The following FN1 variants were observed in gnomAD, a reference collection of about 807,000 sequenced individuals.
FN1 encodes the protein fibronectin 1, also known as fibronectin.
Under a neutral mutation model 297.3 loss-of-function variants are expected in FN1, and 106 were observed. That is an observed-to-expected ratio of 0.36 (90% CI 0.30 to 0.42). The LOEUF (loss-of-function observed/expected upper bound fraction) is 0.42, where lower values mean the gene tolerates loss of function less well. Ranked by LOEUF, FN1 falls within the 10% of genes least tolerant of loss-of-function variation. The pLI is 1.00. For synonymous variants in FN1, 1,149 were observed against 1,152.6 expected, an observed-to-expected ratio of 1.00 and a Z score of 0.06; for missense variants, 2,690 against 3,124.9, an observed-to-expected ratio of 0.86 and a Z score of 3.32.
In FN1 at chr2:215,360,987, A is replaced by G. The variant is rs1258655206; in HGVS notation, c.*568T>C. On this transcript the variant is annotated 3_prime_UTR_variant, in exon 46 of 46. Coordinates refer to ENST00000354785, the MANE Select transcript of FN1 (RefSeq NM_212482.4). ...AATTCCTCTTATCAACTGCATACTA[A>G]GTGTTTTCAATACAATTTTTTCCGT... 6.4e-6 allele frequency: 1 copy of G among 156,738 alleles called. No individual in the cohort carries two copies. The highest frequency in any genetic ancestry group is 1.9e-4 in the East Asian group (1 of 5,354). The allele number at this position is 156,738 out of a possible 1,614,324, so 9.7% of individuals were successfully genotyped here. A position where few individuals can be genotyped will look rare whatever the true frequency, so the allele number is the denominator to read the frequency against.
chr2:215,361,842 C>T, intron 45 of FN1, 127 bp downstream of exon 45: 1 of 1,335,948 alleles, frequency 7.5e-7, no homozygotes, highest in South Asian at 1.3e-5. Flanking sequence ...CAGTGTTTCA[C>T]TTAAGTCATT....
intron 25 of FN1, 107 bp downstream of exon 25, chr2:215,392,824 T>TG (rs1258711899): frequency 1.6e-6 from 2 of 1,264,010 alleles, no homozygotes; most frequent in African/African-American, 2.9e-5. Context: ...TCTGAATCTT[T>TG]GGCCAATTGC....
At position 215,419,345 on chromosome 2, in the gene FN1, A is replaced by C. The variant is rs1333121357; in HGVS notation, c.1716T>G (p.Ile572Met). Residue 572 changes from isoleucine (I) to methionine (M), a missense_variant, in exon 12 of 46, where the codon ATT (isoleucine) becomes ATG (methionine). Physicochemically the swap from Ile to Met is conservative, Grantham distance 10. Transcript: ENST00000354785. ...QDSETGTFYQ[I>M]GDSWEKYVHG... ...GCACATACTTCTCCCATGAATCTCC[A>C]ATTTGATAAAACGTCCCAGTCTCTG... 6.2e-7 allele frequency: 1 copy of C among 1,613,302 alleles called. No individual in the cohort carries two copies. Among genetic ancestry groups the C allele is most frequent in the Non-Finnish European group, 8.5e-7 (1 of 1,179,232 alleles).
chr2:215,431,936 G>A lies in FN1; in HGVS notation c.444C>T (p.Tyr148=), dbSNP rs1363742725. 6.2e-7 allele frequency: 1 copy of A among 1,614,092 alleles called. No homozygotes were observed. The highest frequency in any genetic ancestry group is 1.1e-5 in the South Asian group (1 of 91,090). Residue 148 remains tyrosine (Y), a synonymous_variant, in exon 4 of 46, where the codon TAC becomes TAT. Transcript: ENST00000354785. The part of the protein sequence containing the change: ...ANRCHEGGQS[Y]KIGDTWRRPH... ...GTCTCCTCCAGGTGTCACCAATCTT[G>A]TAGGACTGACCCCCTTCATGGCAGC...
At position 215,365,491 on chromosome 2, in the gene FN1, C is replaced by T. The variant is rs2054349577; in HGVS notation, c.7144+14G>A. ...TGCTTAATAAGGCACTAAAAATGAT[C>T]TGTGATGACATACGAGGGTCACACT... On this transcript the variant is annotated intron_variant, in intron 43 of 45. Coordinates refer to ENST00000354785, the MANE Select transcript of FN1 (RefSeq NM_212482.4). 1 of 1,613,594 alleles carries T rather than the reference C, an allele frequency of 6.2e-7. No homozygotes were observed. Among genetic ancestry groups the T allele is most frequent in the Middle Eastern group, 1.6e-4 (1 of 6,062 alleles).
rs1213821413 is a variant in FN1 at position 215,435,769 on chromosome 2, G to C, written c.34C>G (p.Leu12Val). ...GCTGTCCCCAGGCACTGGACGGCCAGCAGCAGCAGCCCGGGCCCCGGACCC... is the reference window on the plus strand; with the variant it reads ...GCTGTCCCCAGGCACTGGACGGCCACCAGCAGCAGCCCGGGCCCCGGACCC... ...LRGPGPGLLLLAVQCLGTAVP... is the reference protein window; with the variant it reads ...LRGPGPGLLLVAVQCLGTAVP... Residue 12 changes from leucine to valine, a missense_variant, in exon 1 of 46, where the codon CTG (leucine) becomes GTG (valine). Coordinates refer to ENST00000354785, the MANE Select transcript of FN1 (RefSeq NM_212482.4). 1 of 1,541,584 alleles carries C rather than the reference G, an allele frequency of 6.5e-7. No homozygotes were observed. Among genetic ancestry groups the C allele is most frequent in the Non-Finnish European group, 8.8e-7 (1 of 1,132,328 alleles).
At position 215,397,677 on chromosome 2, in the gene FN1, T is replaced by C. The variant is rs201910111; in HGVS notation, c.3517+3A>G. On this transcript the variant is annotated splice_donor_region_variant and intron_variant, in intron 22 of 45. Transcript: ENST00000354785. ...AATAGAAAAGGGAAAAAATTCTTCT[T>C]ACGTGTCACCACTTTGTTTACAATT... is the stretch of plus-strand genomic sequence containing the variant. The C allele has an allele frequency of 1.2e-4, 196 of 1,613,860 alleles. No homozygotes were observed. The African/African-American group carries it at 2.4e-3, about 20-fold the overall frequency.
chr2:215,429,735 G>A (rs2066147824), intron 5 of FN1, among the ~76,000 whole-genome samples: 1 of 152,132 alleles, frequency 6.6e-6, no homozygotes, highest in South Asian at 2.1e-4. Flanking sequence ...TTTGAAGGCT[G>A]GGCTAATGTT....
intron 34 of FN1, 49 bp from the exon 35 acceptor site, chr2:215,378,311 C>CT: frequency 2.0e-6 from 2 of 1,007,328 alleles, no homozygotes; most frequent in Non-Finnish European, 3.2e-6. Flanking sequence ...TCAACTGAAA[C>CT]CCAAGGAGTT....
intron 4 of FN1, 32 bp downstream of exon 4, chr2:215,431,801 C>T: frequency 2.5e-6 from 4 of 1,613,162 alleles, no homozygotes; most frequent in Non-Finnish European, 3.4e-6. Flanking sequence ...ACTAAGCATC[C>T]CAGCTCTTGC....
At position 215,433,361 on chromosome 2, in the gene FN1, G is replaced by C; in HGVS notation, c.378C>G (p.Ile126Met). The C allele has an allele frequency of 6.2e-7, 1 of 1,613,908 alleles. No homozygotes were observed. Among genetic ancestry groups the C allele is most frequent in the South Asian group, 1.1e-5 (1 of 91,070 alleles). The change falls in exon 3 of 46, where the codon ATC (isoleucine) becomes ATG (methionine). Residue 126 changes from isoleucine to methionine, a missense_variant. By Grantham distance (10) the Ile-to-Met change is conservative (BLOSUM62 1). Around this residue, in one of 3 missense-constraint regions of FN1, gnomAD observed 876 missense variants for 1,058.1 expected, o/e 0.83. Transcript: ENST00000354785. ...AGCTTATTCTCCCTCGCCCAGCCCCGATGCAGGTACAGTCCCAGATCATGG... is the reference window on the plus strand; with the variant it reads ...AGCTTATTCTCCCTCGCCCAGCCCCCATGCAGGTACAGTCCCAGATCATGG... ...KDSMIWDCTCIGAGRGRISCT... is the reference protein window; with the variant it reads ...KDSMIWDCTCMGAGRGRISCT...
At chr2:215,385,778 CTTTT>C (rs200573591) in intron 28 of FN1, among the ~76,000 whole-genome samples, 7 of 120,400 alleles carry the variant, frequency 5.8e-5, no homozygotes, top group South Asian at 2.6e-4. Context: ...AGTTTTCCAC[CTTTT>C]TTTTTTTTTT....
chr2:215,393,251 G>T (rs1444214973), intron 24 of FN1, 48 bp from the exon 25 acceptor site: 1 of 1,583,790 alleles, frequency 6.3e-7, no homozygotes. Flanking sequence ...GGAAAATAGA[G>T]GGAAAAAAAG....
chr2:215,379,330 T>G lies in FN1; in HGVS notation c.5435-13A>C. 6.2e-7 allele frequency: 1 copy of G among 1,613,042 alleles called. No homozygotes were observed. Among genetic ancestry groups the G allele is most frequent in the Non-Finnish European group, 8.5e-7 (1 of 1,179,112 alleles). On this transcript the variant is annotated splice_polypyrimidine_tract_variant and intron_variant, in intron 33 of 45. Transcript: ENST00000354785. ...GGTGCAGGAATAGCTGTCGAGATTGTCATTGGTTAGAGGTTATCTTATAGG... is the reference window on the plus strand; with the variant it reads ...GGTGCAGGAATAGCTGTCGAGATTGGCATTGGTTAGAGGTTATCTTATAGG...
chr2:215,362,105 A>C, intron 44 of FN1, 26 bp from the exon 45 acceptor site: 1 of 1,551,586 alleles, frequency 6.4e-7, no homozygotes, highest in Non-Finnish European at 8.9e-7. Flanking sequence ...CATGAAGTCA[A>C]ATGGGGTTTA....
chr2:215,362,285 G>A, intron 44 of FN1: 1 of 576,076 alleles, frequency 1.7e-6, no homozygotes, highest in Non-Finnish European at 3.1e-6. Context: ...ACCTACATCT[G>A]TCTCTCTATG....
chr2:215,370,624 G>A (rs2055799146), intron 40 of FN1, 192 bp from the exon 41 acceptor site: 1 of 582,416 alleles, frequency 1.7e-6, no homozygotes, highest in Non-Finnish European at 3.0e-6. Flanking sequence ...CAAGGATAGG[G>A]GCCATCGTTC....
In FN1 at chr2:215,376,819, C is replaced by T. The variant is rs114394212; in HGVS notation, c.5711-145G>A. The T allele has an allele frequency of 5.0e-3, 3,473 of 697,902 alleles. 21 individuals are homozygous for T. The highest frequency in any genetic ancestry group is 7.3e-3 in the Non-Finnish European group (3,011 of 411,178). The allele number at this position is 697,902 out of a possible 1,614,324, so 43.2% of individuals were successfully genotyped here. On this transcript the variant is annotated intron_variant, in intron 35 of 45. Coordinates refer to ENST00000354785, the MANE Select transcript of FN1 (RefSeq NM_212482.4). Reference sequence around the variant, plus strand: ...GTAATGTGTAGATTATCTCCTTTGGCATTCAGAGAGAAAGGTCAACTGTAA... The same window carrying T: ...GTAATGTGTAGATTATCTCCTTTGGTATTCAGAGAGAAAGGTCAACTGTAA...
intron 19 of FN1, among the ~76,000 whole-genome samples, chr2:215,405,640 G>A (rs2061683499): frequency 6.6e-6 from 1 of 152,144 alleles, no homozygotes; most frequent in Non-Finnish European, 1.5e-5. Flanking sequence ...CTACTCGGGA[G>A]GCTGAGGCAG....
Sources: allele counts gnomAD v4.1 joint callset (sites outside exome capture counted in the v4.1 genomes callset), GRCh38; gene constraint gnomAD v4.1.1; regional missense constraint gnomAD v4.1.1; transcripts MANE v1.5; gene names NCBI Gene and HGNC (gene_info 2026-07-23, HGNC 2026-07-21).